The following CYP19A1 variants were observed in gnomAD, a reference collection of about 807,000 sequenced individuals.
The protein encoded by CYP19A1 is aromatase.
In CYP19A1, 32 loss-of-function variants were observed where a neutral mutation model predicts 44.4. The ratio of observed to expected loss-of-function variants is 0.72; its 90% CI spans 0.54 to 0.97. CYP19A1 has a LOEUF of 0.97. CYP19A1 is among the 50% of genes least tolerant of loss of function. The pLI is 0.00. For missense variants in CYP19A1, 598 were observed against 637.8 expected, an observed-to-expected ratio of 0.94 and a Z score of 0.67; for synonymous variants, 212 against 215.6, an observed-to-expected ratio of 0.98 and a Z score of 0.14.
chr15:51,304,205 C>T (rs1456188460), intron 1 of CYP19A1, among the ~76,000 whole-genome samples: 2 of 152,164 alleles, frequency 1.3e-5, no homozygotes, highest in East Asian at 3.8e-4. Flanking sequence ...GGAAGGTATA[C>T]TGAGGGCTTG....
At chr15:51,249,840 G>A (rs1378093337) in intron 1 of CYP19A1, among the ~76,000 whole-genome samples, 2 of 152,164 alleles carry the variant, frequency 1.3e-5, no homozygotes, top group African/African-American at 4.8e-5. Context: ...CTTAAAAGCA[G>A]GGAAGGTTCA....
At chr15:51,323,628 C>A (rs2036562560) in intron 1 of CYP19A1, among the ~76,000 whole-genome samples, 1 of 152,060 alleles carries the variant, frequency 6.6e-6, no homozygotes, top group Non-Finnish European at 1.5e-5. Flanking sequence ...TGCTTGCAAA[C>A]TGTAAAGCTC....
rs28729489 is a variant in CYP19A1, at chr15:51,227,552, C to T, written c.451+227G>A. ...AGGCATGGTGGTGCACATCTGTAGT[C>T]CCAGCTACTCGCGAGGCTGAGGTGG... On this transcript the variant is annotated intron_variant, in intron 4 of 9. Transcript: ENST00000396402. Among the ~76,000 whole-genome samples the T allele has an allele frequency of 8.0e-3, 1,213 of 151,938 alleles. 37 individuals are homozygous for T. The highest frequency in any genetic ancestry group is 0.028 in the African/African-American group (1,168 of 41,316).
In CYP19A1 at chr15:51,255,872, T is replaced by A. The variant is rs539310527; in HGVS notation, c.-38-12922A>T. On this transcript the variant is annotated intron_variant, in intron 1 of 9. Coordinates refer to ENST00000396402, the MANE Select transcript of CYP19A1 (RefSeq NM_000103.4). ...TTGCTAAAGAGCTCTCTTTTCACAC[T>A]CTTGACAGTACTATAGGAAGCAGTC... is the stretch of plus-strand genomic sequence containing the variant. The A allele has an allele frequency of 5.9e-5, 9 of 152,330 alleles. No individual in the cohort carries two copies. The South Asian group carries it at 1.9e-3, about 32-fold the overall frequency. The allele number at this position is 152,330 out of a possible 1,614,324, so 9.4% of individuals were successfully genotyped here.
intron 1 of CYP19A1, among the ~76,000 whole-genome samples, chr15:51,251,696 C>T (rs1336615541): frequency 6.6e-6 from 1 of 152,214 alleles, no homozygotes; most frequent in African/African-American, 2.4e-5. Flanking sequence ...AGCAGTGATT[C>T]CAAATGCCAA....
At chr15:51,291,294 C>A (rs945149326) in intron 1 of CYP19A1, among the ~76,000 whole-genome samples, 3 of 151,946 alleles carry the variant, frequency 2.0e-5, no homozygotes, top group Non-Finnish European at 4.4e-5. Context: ...ATTGAAAGGA[C>A]AGGACCAACG....
chr15:51,308,654 A>G (rs1451099092), intron 1 of CYP19A1, among the ~76,000 whole-genome samples: 1 of 152,188 alleles, frequency 6.6e-6, no homozygotes, highest in African/African-American at 2.4e-5. Context: ...GTACATATTC[A>G]GACCCCAAAG....
chr15:51,332,264 C>A (rs559332758), intron 1 of CYP19A1, among the ~76,000 whole-genome samples: 55 of 152,222 alleles, frequency 3.6e-4, no homozygotes, highest in Non-Finnish European at 7.4e-4. Flanking sequence ...ATTATACCAA[C>A]ATAAGAGTCC....
intron 1 of CYP19A1, among the ~76,000 whole-genome samples, chr15:51,270,634 T>G (rs1254523897): frequency 6.6e-6 from 1 of 152,178 alleles, no homozygotes; most frequent in Admixed American, 6.5e-5. Context: ...AACCACTGTG[T>G]GAGATAAGTA....
At chr15:51,328,227 A>G (rs969794193) in intron 1 of CYP19A1, among the ~76,000 whole-genome samples, 2 of 152,220 alleles carry the variant, frequency 1.3e-5, no homozygotes, top group Non-Finnish European at 2.9e-5. Flanking sequence ...TGTATTTTAA[A>G]ACTGCAAAAA....
At chr15:51,215,893 T>C in intron 6 of CYP19A1, 76 bp from the exon 7 acceptor site, 2 of 1,600,662 alleles carry the variant, frequency 1.2e-6, no homozygotes, top group Non-Finnish European at 1.7e-6. Flanking sequence ...TTGCCATGTA[T>C]TTAGGTAAAA....
chr15:51,224,072 G>A (rs1423801865), intron 4 of CYP19A1, among the ~76,000 whole-genome samples: 2 of 152,028 alleles, frequency 1.3e-5, no homozygotes, highest in African/African-American at 4.8e-5. Flanking sequence ...AAAGAAAATT[G>A]GGCAACAATC....
At chr15:51,299,079 C>A (rs1174850661) in intron 1 of CYP19A1, among the ~76,000 whole-genome samples, 1 of 152,202 alleles carries the variant, frequency 6.6e-6, no homozygotes, top group Non-Finnish European at 1.5e-5. Flanking sequence ...AGGTGAGGGG[C>A]CTTCCGCCAA....
intron 1 of CYP19A1, among the ~76,000 whole-genome samples, chr15:51,292,483 A>G (rs1402572132): frequency 1.3e-5 from 2 of 152,218 alleles, no homozygotes; most frequent in Admixed American, 1.3e-4. Flanking sequence ...AAATTTATGG[A>G]AAGCTTTCAG....
chr15:51,336,524 TGG>T (rs2036777586), intron 1 of CYP19A1, among the ~76,000 whole-genome samples: 1 of 152,102 alleles, frequency 6.6e-6, no homozygotes, highest in South Asian at 2.1e-4. Context: ...GGAAGGGTGG[TGG>T]GGCAGTAAAA....
At chr15:51,213,442 G>A (rs1595667640) in intron 8 of CYP19A1, among the ~76,000 whole-genome samples, 2 of 152,304 alleles carry the variant, frequency 1.3e-5, no homozygotes, top group East Asian at 3.9e-4. Context: ...ACTGAGGAAA[G>A]GTCTAGTTTG....
chr15:51,249,115 T>C (rs948240499), intron 1 of CYP19A1, among the ~76,000 whole-genome samples: 1 of 152,042 alleles, frequency 6.6e-6, no homozygotes, highest in Admixed American at 6.5e-5. Flanking sequence ...AATTTTTGTA[T>C]TTTTAGTAGA....
Position 51,210,642 on chromosome 15 carries a change from A to T in CYP19A1, c.*166T>A, listed in dbSNP as rs181721810. 12 of 750,070 alleles carry T rather than the reference A, an allele frequency of 1.6e-5. No homozygotes were observed. In the African/African-American group the frequency reaches 1.9e-4, roughly 12 times the overall value. The allele number at this position is 750,070 out of a possible 1,614,324, so 46.5% of individuals were successfully genotyped here. On this transcript the variant is annotated 3_prime_UTR_variant, in exon 10 of 10. Transcript: ENST00000396402. The stretch of plus-strand genomic sequence containing the variant: ...GGTTCTCTGGTGTGAACAGGAGCAG[A>T]TGACAAATAGCACCTAGCTTGGTGA...
At chr15:51,294,475 G>A (rs1480715210) in intron 1 of CYP19A1, among the ~76,000 whole-genome samples, 3 of 120,684 alleles carry the variant, frequency 2.5e-5, no homozygotes, top group Non-Finnish European at 5.4e-5. Context: ...CCCTCCGCCC[G>A]GCAGCTGCCC....
Sources: allele counts gnomAD v4.1 joint callset (sites outside exome capture counted in the v4.1 genomes callset), GRCh38; gene constraint gnomAD v4.1.1; transcripts MANE v1.5; gene names NCBI Gene and HGNC (gene_info 2026-07-23, HGNC 2026-07-21).